The following LITAF variants were observed in gnomAD, a reference collection of about 807,000 sequenced individuals.
The protein encoded by LITAF is lipopolysaccharide induced TNF factor, also known as lipopolysaccharide-induced tumor necrosis factor-alpha factor.
Under a neutral mutation model 14.5 loss-of-function variants are expected in LITAF, and 9 were observed. That is an observed-to-expected ratio of 0.62 (90% CI 0.37 to 1.08). The LOEUF (loss-of-function observed/expected upper bound fraction) is 1.08. Among genes scored for constraint, LITAF ranks in the 50% least tolerant of loss-of-function variants. LITAF has a pLI of 0.01. For synonymous variants in LITAF, 98 were observed against 88.2 expected (o/e 1.11, Z -0.62); for missense variants, 206 against 213.4 (o/e 0.97, Z 0.22).
At chr16:11,589,619 CTT>C (rs60950577), upstream of LITAF, among the ~76,000 whole-genome samples, 556 of 103,898 alleles carry the variant, frequency 5.4e-3, 3 homozygotes, top group African/African-American at 0.019. Flanking sequence ...AAATCAGTTG[CTT>C]TTTTTTTTTT....
At chr16:11,621,159 G>T (rs2065048665) in intron 3 of LITAF, among the ~76,000 whole-genome samples, 1 of 152,086 alleles carries the variant, frequency 6.6e-6, no homozygotes, top group African/African-American at 2.4e-5. Flanking sequence ...CCGCCTCCCA[G>T]GTTCAAGTGA....
chr16:11,554,093 G>A (rs2064228315), intron 2 of LITAF, among the ~76,000 whole-genome samples: 1 of 152,120 alleles, frequency 6.6e-6, no homozygotes, highest in Non-Finnish European at 1.5e-5. Context: ...TTAGCCCAGC[G>A]TGGGAGTACA....
intron 1 of LITAF, among the ~76,000 whole-genome samples, chr16:11,582,511 C>A (rs935625916): frequency 6.6e-6 from 1 of 152,070 alleles, no homozygotes; most frequent in African/African-American, 2.4e-5. Context: ...CCTCGAAGAT[C>A]GATTCTTCCA....
At chr16:11,569,176 G>T (rs537571413) in intron 1 of LITAF, among the ~76,000 whole-genome samples, 2 of 152,294 alleles carry the variant, frequency 1.3e-5, no homozygotes, top group Admixed American at 6.5e-5. Flanking sequence ...AAATTGGCCT[G>T]GTGGGAAAAC....
At chr16:11,568,059 G>A (rs748603821) in intron 1 of LITAF, among the ~76,000 whole-genome samples, 7 of 151,970 alleles carry the variant, frequency 4.6e-5, no homozygotes, top group Non-Finnish European at 2.9e-5. Context: ...AGCCCAAGGC[G>A]GGAGGATGGC....
chr16:11,603,049 G>C (rs1233354092), upstream of LITAF, among the ~76,000 whole-genome samples: 1 of 152,180 alleles, frequency 6.6e-6, no homozygotes, highest in Non-Finnish European at 1.5e-5. Context: ...AGAAGTCCGA[G>C]GCTGCAGCGA....
At chr16:11,606,721 G>C (rs985055200) in intron 3 of LITAF, among the ~76,000 whole-genome samples, 1 of 151,726 alleles carries the variant, frequency 6.6e-6, no homozygotes, top group Non-Finnish European at 1.5e-5. Flanking sequence ...TGCAACCTCT[G>C]CCTCCCGGGT....
At chr16:11,611,688 A>T (rs2064982964) in intron 3 of LITAF, among the ~76,000 whole-genome samples, 1 of 146,452 alleles carries the variant, frequency 6.8e-6, no homozygotes. Flanking sequence ...TTTAAGACAG[A>T]GTCTCCCTCT....
chr16:11,597,744 G>T (rs998851125), intron 1 of LITAF, among the ~76,000 whole-genome samples: 4 of 152,140 alleles, frequency 2.6e-5, no homozygotes, highest in Admixed American at 6.6e-5. Flanking sequence ...AGTTCTGTGT[G>T]AGGTGAGGCA....
chr16:11,600,356 G>T (rs539813167), upstream of LITAF, among the ~76,000 whole-genome samples: 13 of 152,348 alleles, frequency 8.5e-5, no homozygotes, highest in African/African-American at 2.9e-4. The surrounding 1 kb of genome is among the most constrained non-coding windows in gnomAD (Gnocchi z 4.1). Flanking sequence ...CCTGCTGGGA[G>T]GATAAAGCTT....
intron 1 of LITAF, among the ~76,000 whole-genome samples, chr16:11,568,685 T>TTTG (rs992819479): frequency 7.5e-4 from 109 of 144,550 alleles, no homozygotes; most frequent in Non-Finnish European, 1.4e-3. Context: ...TTTTTTTTGT[T>TTTG]TTTTTTTTTT....
At chr16:11,568,747 T>A (rs1045041398) in intron 1 of LITAF, among the ~76,000 whole-genome samples, 1 of 145,264 alleles carries the variant, frequency 6.9e-6, no homozygotes, top group East Asian at 2.0e-4. Context: ...TGCCACGACC[T>A]CGGCTCACTG....
intron 1 of LITAF, among the ~76,000 whole-genome samples, chr16:11,592,339 A>G (rs8055580): frequency 0.42 from 63,989 of 151,910 alleles, 14,594 homozygotes; most frequent in African/African-American, 0.6. Flanking sequence ...ACTTTGGGAG[A>G]CTGAGGCGGG....
chr16:11,613,161 T>G (rs1040430862), intron 3 of LITAF, among the ~76,000 whole-genome samples: 2 of 152,180 alleles, frequency 1.3e-5, no homozygotes, highest in African/African-American at 4.8e-5. Flanking sequence ...TGCCTCATCC[T>G]CCCGAGTAGC....
At chr16:11,583,787 G>A (rs1239775267) in intron 1 of LITAF, among the ~76,000 whole-genome samples, 1 of 152,128 alleles carries the variant, frequency 6.6e-6, no homozygotes, top group Non-Finnish European at 1.5e-5. Context: ...TATTTTCTCT[G>A]AAGCCTCCAG....
chr16:11,566,764 C>A (rs996961694), intron 1 of LITAF, among the ~76,000 whole-genome samples: 1 of 147,952 alleles, frequency 6.8e-6, no homozygotes, highest in Non-Finnish European at 1.5e-5. Flanking sequence ...GGTAGGGGGG[C>A]GCATGGACAG....
In LITAF at chr16:11,605,169, G is replaced by A. The variant is rs1373610435; in HGVS notation, c.85+28364C>T. Reference sequence around the variant, plus strand: ...TCTCTCTCTCCACTGTGCAAACAGGGAGCCCAAGCTCTCAGCATCCCCCCA... The same window carrying A: ...TCTCTCTCTCCACTGTGCAAACAGGAAGCCCAAGCTCTCAGCATCCCCCCA... On this transcript the variant is annotated intron_variant, in intron 3 of 3. Transcript: ENST00000574848. The surrounding 1 kb of genome is among the most constrained non-coding windows in gnomAD (Gnocchi z 4.7). Among the ~76,000 whole-genome samples the A allele has an allele frequency of 6.6e-6, 1 of 152,170 alleles. No individual in the cohort carries two copies. Among genetic ancestry groups the A allele is most frequent in the Non-Finnish European group, 1.5e-5 (1 of 68,038 alleles).
chr16:11,582,319 GA>G (rs35892278), intron 1 of LITAF, among the ~76,000 whole-genome samples: 8,222 of 100,042 alleles, frequency 0.082, 258 homozygotes, highest in South Asian at 0.1. Flanking sequence ...ACTCACAACG[GA>G]AAAAAAAAAA....
chr16:11,619,889 C>A (rs562584986), intron 3 of LITAF, among the ~76,000 whole-genome samples: 8 of 151,890 alleles, frequency 5.3e-5, no homozygotes, highest in Admixed American at 5.3e-4. Context: ...AATCTGCGGA[C>A]GGGTGCAGTG....
Sources: gnomAD v4.1 joint callset for allele counts (sites outside exome capture counted in the v4.1 genomes callset) on GRCh38, gnomAD v4.1.1 for gene constraint, Gnocchi (gnomAD v3.1) non-coding constraint, MANE v1.5 for transcripts, NCBI Gene and HGNC (gene_info 2026-07-23, HGNC 2026-07-21) for gene names.